The following SOX6 variants were observed in gnomAD, a reference collection of about 807,000 sequenced individuals.
The protein encoded by SOX6 is transcription factor SOX-6.
Under a neutral mutation model 97.8 loss-of-function variants are expected in SOX6, and 11 were observed. The observed-to-expected ratio is 0.11, with a 90% CI of 0.07 to 0.19. The LOEUF is 0.19. Ranked by LOEUF, SOX6 falls within the 10% of genes least tolerant of loss-of-function variation. The probability of loss-of-function intolerance (pLI) is 1.00; values close to 1 mark genes in which losing one functional copy is unlikely to be tolerated. For synonymous variants in SOX6, 360 were observed against 371.4 expected (o/e 0.97, Z 0.35); for missense variants, 810 against 1,039.5 (o/e 0.78, Z 3.04).
At chr11:16,202,238 A>G (rs1453179931) in intron 4 of SOX6, among the ~76,000 whole-genome samples, 2 of 152,262 alleles carry the variant, frequency 1.3e-5, no homozygotes, top group African/African-American at 4.8e-5. Flanking sequence ...ACCAATGAAA[A>G]ATTTTCATTT....
At chr11:16,178,124 G>A (rs968585570) in intron 6 of SOX6, among the ~76,000 whole-genome samples, 1 of 151,916 alleles carries the variant, frequency 6.6e-6, no homozygotes, top group African/African-American at 2.4e-5. Context: ...TGATTCCATT[G>A]AGTAGCTCTT....
rs200123857 is a variant in SOX6, at chr11:16,318,582, G to T, written c.309C>A (p.Asp103Glu). 1.1e-5 allele frequency: 18 copies of T among 1,613,348 alleles called. No homozygotes were observed. In the Admixed American group the frequency reaches 1.3e-4, roughly 12 times the overall value. The stretch of plus-strand genomic sequence containing the variant: ...TTATCTCACGGTCCCGACTCCCTTC[G>T]TCAGGCTTATGTGGTGAGGTAGAGG... ...RNTSTSPHKPDEGSRDREIMT... is the reference protein window; with the variant it reads ...RNTSTSPHKPEEGSRDREIMT... The change falls in exon 3 of 16, where the codon GAC becomes GAA. Residue 103 changes from aspartate (D) to glutamate (E), a missense_variant. Physicochemically the swap from Asp to Glu is conservative, Grantham distance 45 (BLOSUM62 2). Transcript: ENST00000683767.
chr11:16,163,876 T>C (rs1281923207), intron 6 of SOX6, among the ~76,000 whole-genome samples: 2 of 152,238 alleles, frequency 1.3e-5, no homozygotes, highest in Non-Finnish European at 2.9e-5. Context: ...GGTATATTTG[T>C]AACTCAACCA....
chr11:16,211,277 A>T (rs1852220099), intron 4 of SOX6, among the ~76,000 whole-genome samples: 1 of 152,086 alleles, frequency 6.6e-6, no homozygotes, highest in South Asian at 2.1e-4. Flanking sequence ...GAGTAATGTG[A>T]CTTAACTTTT....
At chr11:16,732,984 A>G (rs964511817) in intron 2 of SOX6, among the ~76,000 whole-genome samples, 1 of 152,234 alleles carries the variant, frequency 6.6e-6, no homozygotes, top group African/African-American at 2.4e-5. Context: ...CATGAGAAAA[A>G]GCTCACCATC....
intron 3 of SOX6, among the ~76,000 whole-genome samples, chr11:16,640,884 A>G (rs1441035597): frequency 6.6e-6 from 1 of 151,648 alleles, no homozygotes; most frequent in Non-Finnish European, 1.5e-5. Context: ...TTGATTTTTT[A>G]AGGGTTTTTT....
At chr11:16,496,284 C>T (rs1187128555) in intron 4 of SOX6, among the ~76,000 whole-genome samples, 2 of 148,490 alleles carry the variant, frequency 1.3e-5, no homozygotes, top group South Asian at 2.1e-4. Flanking sequence ...AATGATATTA[C>T]AGAAGATCAA....
At chr11:16,336,826 A>G (rs1197088781) in intron 2 of SOX6, among the ~76,000 whole-genome samples, 1 of 152,160 alleles carries the variant, frequency 6.6e-6, no homozygotes, top group Non-Finnish European at 1.5e-5. Context: ...CATACAAACT[A>G]CAAGACTTTT....
In SOX6 at chr11:16,495,287, C is replaced by T. The variant is rs141733401; in HGVS notation, n.610-18899G>A. Among the ~76,000 whole-genome samples, 9 of 152,316 alleles carry T rather than the reference C, an allele frequency of 5.9e-5. No homozygotes were observed. The East Asian group carries it at 1.5e-3, about 26-fold the overall frequency. On this transcript the variant is annotated intron_variant and non_coding_transcript_variant, in intron 4 of 5. Transcript: ENST00000524520. ...TCCACAATCCCTAAAAGCAGGGCTG[C>T]AGCACAGTCACTGCTGTCCCCTCTC...
At chr11:16,626,577 A>G (rs1360925402) in intron 3 of SOX6, among the ~76,000 whole-genome samples, 1 of 152,226 alleles carries the variant, frequency 6.6e-6, no homozygotes, top group African/African-American at 2.4e-5. Context: ...TTTACCCTCA[A>G]AAAAGCCTGC....
rs144412361 is a variant in SOX6, at chr11:16,053,487, A to T, written c.1251+2265T>A. Among the ~76,000 whole-genome samples, 224 of 152,194 alleles carry T rather than the reference A, an allele frequency of 1.5e-3. 1 individual carries two copies. The highest frequency in any genetic ancestry group is 5.1e-3 in the African/African-American group (213 of 41,532). The stretch of plus-strand genomic sequence containing the variant: ...AGCAGCAGCATCACTACCATCACTA[A>T]CATTTATAGAATACTCACTATAATA... On this transcript the variant is annotated intron_variant, in intron 10 of 15. Transcript: ENST00000683767.
chr11:15,984,707 C>T (rs1853775225), intron 15 of SOX6, among the ~76,000 whole-genome samples: 1 of 152,112 alleles, frequency 6.6e-6, no homozygotes, highest in Admixed American at 6.5e-5. Flanking sequence ...TATTAACATA[C>T]TGGGATCTTT....
At chr11:16,058,580 CA>C (rs1309960304) in intron 9 of SOX6, among the ~76,000 whole-genome samples, 1 of 152,040 alleles carries the variant, frequency 6.6e-6, no homozygotes, top group Non-Finnish European at 1.5e-5. Flanking sequence ...TCAATATCTA[CA>C]GGTCATTTAT....
At chr11:16,141,628 T>C (rs1850144907) in intron 6 of SOX6, among the ~76,000 whole-genome samples, 1 of 152,142 alleles carries the variant, frequency 6.6e-6, no homozygotes, top group Admixed American at 6.5e-5. Flanking sequence ...AGGGAAGCTA[T>C]GACAGACAGC....
In SOX6 at chr11:16,169,517, T is replaced by C. The variant is rs575823499; in HGVS notation, c.777+14369A>G. On this transcript the variant is annotated intron_variant, in intron 6 of 15. Coordinates refer to ENST00000683767, the MANE Select transcript of SOX6 (RefSeq NM_001367873.1). ...AGTTTACAAAGTCTTTTTTAAAAAA[T>C]ATGAGTGATGAAAGTAGAGACATAC... is the stretch of plus-strand genomic sequence containing the variant. Among the ~76,000 whole-genome samples, 296 of 152,128 alleles carry C rather than the reference T, an allele frequency of 1.9e-3. 1 individual carries two copies. Among genetic ancestry groups the C allele is most frequent in the Admixed American group, 3.5e-3 (54 of 15,236 alleles).
intron 3 of SOX6, among the ~76,000 whole-genome samples, chr11:16,303,027 T>C (rs911020877): frequency 6.6e-5 from 10 of 152,208 alleles, no homozygotes; most frequent in Admixed American, 1.3e-4. Flanking sequence ...CCACTTTTAC[T>C]TCTCTCCAAC....
chr11:16,010,836 C>T (rs1389435615), intron 13 of SOX6, among the ~76,000 whole-genome samples: 1 of 151,844 alleles, frequency 6.6e-6, no homozygotes, highest in Non-Finnish European at 1.5e-5. Flanking sequence ...TCCTCTTTTA[C>T]TTCTCTAAAA....
At chr11:16,462,304 C>T (rs73433575) in intron 1 of SOX6, among the ~76,000 whole-genome samples, 161 of 152,336 alleles carry the variant, frequency 1.1e-3, no homozygotes, top group African/African-American at 3.4e-3. Flanking sequence ...TTCAATATTG[C>T]AATTTGGTTC....
At chr11:16,181,546 C>T (rs1851346648) in intron 6 of SOX6, among the ~76,000 whole-genome samples, 2 of 127,552 alleles carry the variant, frequency 1.6e-5, no homozygotes, top group Admixed American at 7.9e-5. Context: ...AATATAGTTA[C>T]CCTTTCCCCT....
Sources: allele counts gnomAD v4.1 joint callset (sites outside exome capture counted in the v4.1 genomes callset), GRCh38; gene constraint gnomAD v4.1.1; transcripts MANE v1.5; gene names NCBI Gene and HGNC (gene_info 2026-07-23, HGNC 2026-07-21).